ATP8A2: variants seen among roughly 807,000 people sequenced by gnomAD.
ATP8A2 encodes phospholipid-transporting ATPase IB.
In ATP8A2, 100 loss-of-function variants were observed where a neutral mutation model predicts 165.6. That is an observed-to-expected ratio of 0.60 (90% CI 0.51 to 0.71). ATP8A2 has a LOEUF of 0.71. Among genes scored for constraint, ATP8A2 ranks in the 30% least tolerant of loss-of-function variants. ATP8A2 has a pLI of 0.00. For synonymous variants in ATP8A2, 543 were observed against 548.8 expected (o/e 0.99, Z 0.15); for missense variants, 1,227 against 1,479.5 (o/e 0.83, Z 2.80).
At chr13:25,465,318 G>A (rs1353307692) in intron 1 of ATP8A2, among the ~76,000 whole-genome samples, 1 of 152,098 alleles carries the variant, frequency 6.6e-6, no homozygotes, top group Non-Finnish European at 1.5e-5. Flanking sequence ...CTGAATCTTG[G>A]GGACAGGTGC....
Position 25,815,117 on chromosome 13 carries a change from G to A in ATP8A2, c.2680-13001G>A, listed in dbSNP as rs571243136. 5.3e-5 allele frequency among the ~76,000 whole-genome samples: 8 copies of A among 151,392 alleles called. No homozygotes were observed. The East Asian group carries it at 1.2e-3, about 22-fold the overall frequency. ...TAAAACTCTTAGAAGAAGACATAAG[G>A]GGACAGTTTCATGACATTGAATTTG... On this transcript the variant is annotated intron_variant, in intron 27 of 36. Coordinates refer to ENST00000381655, the MANE Select transcript of ATP8A2 (RefSeq NM_016529.6).
chr13:25,661,351 A>G, intron 24 of ATP8A2, among the ~76,000 whole-genome samples: 1 of 151,966 alleles, frequency 6.6e-6, no homozygotes, highest in East Asian at 1.9e-4. Flanking sequence ...GGTCAAAATT[A>G]TTTCTCTCTT....
chr13:25,912,714 A>G (rs952429864), intron 33 of ATP8A2, among the ~76,000 whole-genome samples: 1 of 152,162 alleles, frequency 6.6e-6, no homozygotes, highest in African/African-American at 2.4e-5. Context: ...CTGTGTAAGT[A>G]TGGTATAGTA....
At chr13:25,598,080 T>G (rs2040284120) in intron 24 of ATP8A2, among the ~76,000 whole-genome samples, 1 of 152,180 alleles carries the variant, frequency 6.6e-6, no homozygotes, top group African/African-American at 2.4e-5. Flanking sequence ...GTCCAGTTTA[T>G]ATCCCGTATA....
chr13:25,970,748 T>C (rs1013893203), intron 35 of ATP8A2, among the ~76,000 whole-genome samples: 2 of 152,194 alleles, frequency 1.3e-5, no homozygotes, highest in Admixed American at 1.3e-4. Flanking sequence ...AGGAGAGTCA[T>C]GAGCTGTCGG....
At chr13:25,405,806 A>G (rs887382374) in intron 1 of ATP8A2, among the ~76,000 whole-genome samples, 5 of 152,262 alleles carry the variant, frequency 3.3e-5, no homozygotes, top group African/African-American at 1.2e-4. Flanking sequence ...CTTGCACTTC[A>G]AAGTGCACGT....
At chr13:25,983,859 C>T (rs1261966760) in intron 35 of ATP8A2, among the ~76,000 whole-genome samples, 1 of 152,124 alleles carries the variant, frequency 6.6e-6, no homozygotes, top group African/African-American at 2.4e-5. Flanking sequence ...TGATGAGTGA[C>T]ATTCCAGAGT....
chr13:25,815,667 C>T (rs1351097633), intron 27 of ATP8A2, among the ~76,000 whole-genome samples: 3 of 152,136 alleles, frequency 2.0e-5, no homozygotes, highest in East Asian at 3.9e-4. Flanking sequence ...CTATATGATC[C>T]AGCAATTCTA....
intron 24 of ATP8A2, among the ~76,000 whole-genome samples, chr13:25,634,719 ATGAC>A (rs976924513): frequency 6.6e-6 from 1 of 152,164 alleles, no homozygotes; most frequent in African/African-American, 2.4e-5. Flanking sequence ...GAAATTAAAA[ATGAC>A]TGAAAGACCT....
chr13:25,798,469 C>T (rs189048264), intron 27 of ATP8A2, among the ~76,000 whole-genome samples: 1 of 152,182 alleles, frequency 6.6e-6, no homozygotes, highest in East Asian at 1.9e-4. Context: ...AACTCTTGTC[C>T]AACTGGCCTA....
intron 2 of ATP8A2, among the ~76,000 whole-genome samples, chr13:25,510,220 C>CACAG (rs1491035166): frequency 1.2e-4 from 5 of 40,250 alleles, no homozygotes; most frequent in Admixed American, 4.7e-4. Context: ...CACACACACA[C>CACAG]AGAGAATGTT....
chr13:25,856,726 G>C (rs1952176679), intron 30 of ATP8A2, among the ~76,000 whole-genome samples: 1 of 152,124 alleles, frequency 6.6e-6, no homozygotes, highest in Non-Finnish European at 1.5e-5. Context: ...GAAACTCTGT[G>C]CTCATTAAGC....
chr13:25,531,996 T>C (rs780395759), intron 4 of ATP8A2, among the ~76,000 whole-genome samples: 18 of 152,230 alleles, frequency 1.2e-4, no homozygotes, highest in Non-Finnish European at 2.2e-4. Context: ...TTTATCACAC[T>C]GAATAATCAT....
At chr13:25,836,884 T>C (rs1012897372) in intron 28 of ATP8A2, among the ~76,000 whole-genome samples, 10 of 152,214 alleles carry the variant, frequency 6.6e-5, no homozygotes, top group Admixed American at 5.2e-4. Flanking sequence ...ACATCAGTCT[T>C]CGTTTTACAA....
At chr13:25,644,668 G>A (rs1186866008) in intron 24 of ATP8A2, among the ~76,000 whole-genome samples, 1 of 151,934 alleles carries the variant, frequency 6.6e-6, no homozygotes, top group Non-Finnish European at 1.5e-5. Context: ...TTAAACAGTG[G>A]AGCCATCTAG....
chr13:25,894,534 A>G (rs1356545147), intron 33 of ATP8A2, among the ~76,000 whole-genome samples: 3 of 152,146 alleles, frequency 2.0e-5, no homozygotes, highest in Non-Finnish European at 2.9e-5. Context: ...TTTTGGTTCC[A>G]TATGAACTTT....
At chr13:25,677,227 G>A (rs1370221242) in intron 24 of ATP8A2, among the ~76,000 whole-genome samples, 4 of 152,120 alleles carry the variant, frequency 2.6e-5, no homozygotes, top group Admixed American at 2.6e-4. Context: ...ATAAAATCAA[G>A]GTTTTAGTTC....
In ATP8A2 at chr13:25,699,095, A is replaced by G. The variant is rs996357015; in HGVS notation, c.2212-78A>G. ...GAATGGGTGTGTTCTCATTTCAAGA[A>G]ACTTAATTTTGAATTCTATTTTGTT... On this transcript the variant is annotated intron_variant, in intron 24 of 36. Transcript: ENST00000381655. 5 of 1,188,930 alleles carry G rather than the reference A, an allele frequency of 4.2e-6. No individual in the cohort carries two copies. In the African/African-American group the frequency reaches 6.1e-5, roughly 15 times the overall value. The allele number at this position is 1,188,930 out of a possible 1,614,324, so 73.6% of individuals were successfully genotyped here.
chr13:25,828,138 T>G lies in ATP8A2; in HGVS notation c.2700T>G (p.Asn900Lys). 1.2e-6 allele frequency: 2 copies of G among 1,614,176 alleles called. No individual in the cohort carries two copies. Among genetic ancestry groups the G allele is most frequent in the Non-Finnish European group, 1.7e-6 (2 of 1,180,002 alleles). Residue 900 changes from asparagine (N) to lysine (K), a missense_variant, in exon 28 of 37, where the codon AAT becomes AAG. Coordinates refer to ENST00000381655, the MANE Select transcript of ATP8A2 (RefSeq NM_016529.6). ...YIIELWFAFVNGFSGQILFER... is the reference protein window; with the variant it reads ...YIIELWFAFVKGFSGQILFER... ...TTCAGCTTTGGTTCGCCTTTGTTAA[T>G]GGATTTTCTGGGCAGATTTTATTTG... is the stretch of plus-strand genomic sequence containing the variant.
Sources: gnomAD v4.1 joint callset for allele counts (sites outside exome capture counted in the v4.1 genomes callset) on GRCh38, gnomAD v4.1.1 for gene constraint, MANE v1.5 for transcripts, NCBI Gene and HGNC (gene_info 2026-07-23, HGNC 2026-07-21) for gene names.